Variants in INPP4B observed in about 807,000 individuals in gnomAD.
INPP4B encodes the protein inositol polyphosphate 4-phosphatase type II.
In INPP4B, 55 loss-of-function variants were observed where a neutral mutation model predicts 122.5. The ratio of observed to expected loss-of-function variants is 0.45; its 90% CI spans 0.36 to 0.56. INPP4B has a LOEUF of 0.56. Ranked by LOEUF, INPP4B falls within the 20% of genes least tolerant of loss-of-function variation. The probability of loss-of-function intolerance (pLI) is 0.00; values close to 1 mark genes in which losing one functional copy is unlikely to be tolerated. For missense variants in INPP4B, 1,000 were observed against 1,097.7 expected (o/e 0.91, Z 1.26); for synonymous variants, 403 against 388.7 (o/e 1.04, Z -0.43).
chr4:142,262,294 C>A (rs1004067624), intron 10 of INPP4B, among the ~76,000 whole-genome samples: 1 of 152,194 alleles, frequency 6.6e-6, no homozygotes, highest in African/African-American at 2.4e-5. Context: ...TCAACTCCAA[C>A]CACTACTCCT....
At chr4:142,330,521 G>A (rs542060183) in intron 7 of INPP4B, among the ~76,000 whole-genome samples, 37 of 152,076 alleles carry the variant, frequency 2.4e-4, no homozygotes, top group African/African-American at 4.8e-4. Context: ...ATACACACAC[G>A]CATATGTGCA....
chr4:142,596,569 T>A (rs1469049148), intron 2 of INPP4B, among the ~76,000 whole-genome samples: 1 of 152,234 alleles, frequency 6.6e-6, no homozygotes, highest in African/African-American at 2.4e-5. Context: ...TAAGCCAGTA[T>A]GTTTTGGTCA....
intron 23 of INPP4B, among the ~76,000 whole-genome samples, chr4:142,092,679 C>T (rs6827563): frequency 0.26 from 39,329 of 152,078 alleles, 5,175 homozygotes; most frequent in East Asian, 0.3. Context: ...GGTTTATCAG[C>T]AAGTTTTCTT....
At chr4:142,048,665 A>G (rs1052005368) in intron 25 of INPP4B, among the ~76,000 whole-genome samples, 4 of 152,038 alleles carry the variant, frequency 2.6e-5, no homozygotes, top group African/African-American at 7.2e-5. Flanking sequence ...TGCTCTGATA[A>G]AGGGATGAGC....
intron 6 of INPP4B, 39 bp from the exon 7 acceptor site, chr4:142,403,093 C>T (rs1261193071): frequency 8.9e-7 from 1 of 1,128,602 alleles, no homozygotes; most frequent in Admixed American, 1.7e-5. Context: ...TTCAATAAGG[C>T]AGCAACTGTA....
At chr4:142,766,305 T>G (rs1206440867) in intron 1 of INPP4B, among the ~76,000 whole-genome samples, 1 of 152,136 alleles carries the variant, frequency 6.6e-6, no homozygotes, top group Non-Finnish European at 1.5e-5. Flanking sequence ...CACTAATGTC[T>G]ATTTTAAAAA....
At position 142,266,549 on chromosome 4, in the gene INPP4B, T is replaced by C. The variant is rs1191964811; in HGVS notation, c.615+4114A>G. Among the ~76,000 whole-genome samples the C allele has an allele frequency of 2.0e-5, 3 of 152,034 alleles. No homozygotes were observed. In the East Asian group the frequency reaches 5.8e-4, roughly 29 times the overall value. On this transcript the variant is annotated intron_variant, in intron 10 of 25. Coordinates refer to ENST00000262992, the MANE Select transcript of INPP4B (RefSeq NM_001101669.3). ...GCAGCAGTTTCCTGGGTAAGAAAAATCAAACATGCTCCAAGATAAGAGACA... is the reference window on the plus strand; with the variant it reads ...GCAGCAGTTTCCTGGGTAAGAAAAACCAAACATGCTCCAAGATAAGAGACA...
chr4:142,169,824 A>T (rs1023721254), intron 16 of INPP4B, among the ~76,000 whole-genome samples: 1 of 151,712 alleles, frequency 6.6e-6, no homozygotes, highest in Non-Finnish European at 1.5e-5. Flanking sequence ...ATATAGCATC[A>T]AGTACGATAC....
rs539863047 is a variant in INPP4B, at chr4:142,473,000, C to T, written c.-190-10274G>A. 6.6e-5 allele frequency among the ~76,000 whole-genome samples: 10 copies of T among 152,260 alleles called. No individual in the cohort carries two copies. The East Asian group carries it at 9.6e-4, about 15-fold the overall frequency. ...TACTGCTCCTAAATCCTGTTACCAA[C>T]AAAATCAAGGTCTCTCAGATAAATT... On this transcript the variant is annotated intron_variant, in intron 2 of 25. Coordinates refer to ENST00000262992, the MANE Select transcript of INPP4B (RefSeq NM_001101669.3).
intron 18 of INPP4B, among the ~76,000 whole-genome samples, chr4:142,133,733 C>T (rs1312822497): frequency 6.6e-6 from 1 of 152,170 alleles, no homozygotes; most frequent in Non-Finnish European, 1.5e-5. Context: ...CTTGTTGTTT[C>T]CTGAATATGG....
chr4:142,654,540 T>G (rs1195050076), intron 2 of INPP4B: 11 of 152,204 alleles, frequency 7.2e-5, no homozygotes, highest in African/African-American at 2.7e-4. Context: ...GTGGATCTAA[T>G]TCTGCTATTA....
chr4:142,519,794 A>G (rs1362862256), intron 2 of INPP4B, among the ~76,000 whole-genome samples: 1 of 152,152 alleles, frequency 6.6e-6, no homozygotes, highest in Non-Finnish European at 1.5e-5. Flanking sequence ...ATGTTAAAAT[A>G]TGATAAAATT....
chr4:142,052,343 C>G (rs1005519616), intron 25 of INPP4B, among the ~76,000 whole-genome samples: 1 of 151,924 alleles, frequency 6.6e-6, no homozygotes. Flanking sequence ...CTTATTTATT[C>G]CCTAAGAATT....
chr4:142,635,562 T>C (rs1038201294), intron 2 of INPP4B, among the ~76,000 whole-genome samples: 1 of 152,134 alleles, frequency 6.6e-6, no homozygotes, highest in Non-Finnish European at 1.5e-5. Flanking sequence ...TGTGGGAACA[T>C]GGATGGAGCT....
chr4:142,111,756 T>G (rs1320464087), intron 22 of INPP4B, among the ~76,000 whole-genome samples: 1 of 152,162 alleles, frequency 6.6e-6, no homozygotes, highest in East Asian at 1.9e-4. Flanking sequence ...TTTTATTTCT[T>G]TTTTTGAGAT....
chr4:142,340,978 C>G (rs1778516450), intron 7 of INPP4B, among the ~76,000 whole-genome samples: 1 of 152,150 alleles, frequency 6.6e-6, no homozygotes, highest in Non-Finnish European at 1.5e-5. Flanking sequence ...CATCATTCTC[C>G]AGGAACTTAA....
chr4:142,426,053 G>A (rs867297755), intron 5 of INPP4B, among the ~76,000 whole-genome samples: 1 of 151,950 alleles, frequency 6.6e-6, no homozygotes, highest in Non-Finnish European at 1.5e-5. Flanking sequence ...GCAAACATAT[G>A]CATGCCATTC....
At chr4:142,836,318 C>G (rs1467321583) in intron 1 of INPP4B, among the ~76,000 whole-genome samples, 1 of 151,654 alleles carries the variant, frequency 6.6e-6, no homozygotes, top group African/African-American at 2.4e-5. Flanking sequence ...AAGAAGGTAT[C>G]AATCCTATCA....
chr4:142,588,761 T>G (rs1736790707), intron 2 of INPP4B, among the ~76,000 whole-genome samples: 1 of 151,922 alleles, frequency 6.6e-6, no homozygotes, highest in African/African-American at 2.4e-5. Flanking sequence ...AGATGTTAAT[T>G]CTTCTCAAAT....
Sources: gnomAD v4.1 joint callset for allele counts (sites outside exome capture counted in the v4.1 genomes callset) on GRCh38, gnomAD v4.1.1 for gene constraint, MANE v1.5 for transcripts, NCBI Gene and HGNC (gene_info 2026-07-23, HGNC 2026-07-21) for gene names.